Variants in PRRC2B observed in about 807,000 individuals in gnomAD.
PRRC2B encodes protein PRRC2B.
In PRRC2B, 68 loss-of-function variants were observed where a neutral mutation model predicts 242.3. The observed-to-expected ratio is 0.28, with a 90% CI of 0.23 to 0.34. The LOEUF (loss-of-function observed/expected upper bound fraction) is 0.34, where lower values mean the gene tolerates loss of function less well. Among genes scored for constraint, PRRC2B ranks in the 10% least tolerant of loss-of-function variants. PRRC2B has a pLI of 1.00. For missense variants in PRRC2B, 2,835 were observed against 2,954.8 expected, an observed-to-expected ratio of 0.96 and a Z score of 0.94; for synonymous variants, 1,228 against 1,173.6, an observed-to-expected ratio of 1.05 and a Z score of -0.95.
chr9:131,387,079 G>A (rs896776113), intron 1 of PRRC2B, among the ~76,000 whole-genome samples: 13 of 149,672 alleles, frequency 8.7e-5, no homozygotes, highest in Middle Eastern at 3.5e-3. Flanking sequence ...TCGGCTCACC[G>A]CCACCTCAGC....
chr9:131,493,350 CTG>C (rs780980907), intron 30 of PRRC2B, among the ~76,000 whole-genome samples: 3 of 152,224 alleles, frequency 2.0e-5, no homozygotes, highest in Non-Finnish European at 4.4e-5. Flanking sequence ...AACATCAGGA[CTG>C]TGTGAAAAAG....
At chr9:131,457,426 C>G (rs1338356211) in intron 10 of PRRC2B, among the ~76,000 whole-genome samples, 1 of 152,170 alleles carries the variant, frequency 6.6e-6, no homozygotes, top group Non-Finnish European at 1.5e-5. Flanking sequence ...CAGTTTTGCC[C>G]CTGACTTTGA....
rs1943750667 is a variant in PRRC2B at position 131,477,921 on chromosome 9, C to T, written c.4584C>T (p.Ala1528=). 6.2e-7 allele frequency: 1 copy of T among 1,614,024 alleles called. No homozygotes were observed. The highest frequency in any genetic ancestry group is 8.5e-7 in the Non-Finnish European group (1 of 1,179,878). ...CGAGGGCAGGTGAACAGGGAGAGGC[C>T]ATGAAACAGTTTGACCTGAACTATG... ...AAPRAGEQGE[A]MKQFDLNYGS... Residue 1528 remains alanine, a synonymous_variant, in exon 17 of 32, where the codon GCC becomes GCT. Coordinates refer to ENST00000683519, the MANE Select transcript of PRRC2B (RefSeq NM_013318.4).
rs115500661 is a variant in PRRC2B, at chr9:131,437,414, C to G, written c.396+692C>G. Among the ~76,000 whole-genome samples, 897 of 152,328 alleles carry G rather than the reference C, an allele frequency of 5.9e-3. 9 individuals are homozygous for G. Among genetic ancestry groups the G allele is most frequent in the African/African-American group, 0.021 (864 of 41,578 alleles). ...ACCAAGCAAGAGCTCATAACACACT[C>G]AGTCCATCAGAGCCTGGCTACAGGT... On this transcript the variant is annotated intron_variant, in intron 4 of 31. Coordinates refer to ENST00000683519, the MANE Select transcript of PRRC2B (RefSeq NM_013318.4).
chr9:131,487,370 C>A lies in PRRC2B; in HGVS notation c.5984+76C>A. 3 of 1,314,206 alleles carry A rather than the reference C, an allele frequency of 2.3e-6. No homozygotes were observed. The highest frequency in any genetic ancestry group is 3.1e-6 in the Non-Finnish European group (3 of 980,866). 81.4% of individuals were successfully genotyped at this position (1,314,206 alleles called of 1,614,324 possible). ...GGCCCTGTGTGCAGCCTTCGTCCTGCAGCTGTTTGGTGCTTGTCTGCTTTG... is the reference window on the plus strand; with the variant it reads ...GGCCCTGTGTGCAGCCTTCGTCCTGAAGCTGTTTGGTGCTTGTCTGCTTTG... On this transcript the variant is annotated intron_variant, in intron 27 of 31. Coordinates refer to ENST00000683519, the MANE Select transcript of PRRC2B (RefSeq NM_013318.4). The surrounding 1 kb of genome is among the most constrained non-coding windows in gnomAD (Gnocchi z 5.3).
At chr9:131,444,495 A>G (rs1838722305) in intron 6 of PRRC2B, among the ~76,000 whole-genome samples, 167 bp downstream of exon 6, 1 of 152,158 alleles carries the variant, frequency 6.6e-6, no homozygotes, top group African/African-American at 2.4e-5. Flanking sequence ...CTTGCTGCCT[A>G]GGCCATTGGA....
Position 131,473,625 on chromosome 9 carries a change from C to T in PRRC2B, c.2225C>T (p.Pro742Leu). 2 of 1,613,810 alleles carry T rather than the reference C, an allele frequency of 1.2e-6. No homozygotes were observed. The highest frequency in any genetic ancestry group is 1.1e-5 in the South Asian group (1 of 91,054). Residue 742 changes from proline to leucine, a missense_variant, in exon 15 of 32, where the codon CCT becomes CTT. This residue lies in a region of PRRC2B where 1,536 missense variants were observed against 1,483.1 expected (regional missense o/e 1.04). Coordinates refer to ENST00000683519, the MANE Select transcript of PRRC2B (RefSeq NM_013318.4). ...AAAGTGACCCCCATCGACTCACCCC[C>T]TGTGTGGAGCCCAGAGGGCTACATG... ...ERKVTPIDSP[P>L]VWSPEGYMAL...
At chr9:131,415,611 A>G in intron 1 of PRRC2B, among the ~76,000 whole-genome samples, 1 of 152,322 alleles carries the variant, frequency 6.6e-6, no homozygotes, top group East Asian at 1.9e-4. Flanking sequence ...CTGTCCCTAC[A>G]CTTGACTTGG....
At chr9:131,430,519 ATAGATAGATATC>A (rs1205526943) in intron 2 of PRRC2B, among the ~76,000 whole-genome samples, 95 of 18,470 alleles carry the variant, frequency 5.1e-3, no homozygotes, top group African/African-American at 0.012. Flanking sequence ...CTATAGATAG[ATAGATAGATATC>A]TATCTATAGA....
At chr9:131,393,590 G>C (rs1404891895), upstream of PRRC2B, among the ~76,000 whole-genome samples, 1 of 152,184 alleles carries the variant, frequency 6.6e-6, no homozygotes, top group Non-Finnish European at 1.5e-5. Flanking sequence ...TTCATATACC[G>C]TATACATATT....
At chr9:131,430,597 A>G (rs2994049) in intron 2 of PRRC2B, among the ~76,000 whole-genome samples, 92,782 of 120,420 alleles carry the variant, frequency 0.77, 34,635 homozygotes, top group East Asian at 0.92. Flanking sequence ...GTGTGTGTGT[A>G]TATATATGTT....
chr9:131,485,249 A>T (rs1943986280), intron 25 of PRRC2B, 109 bp downstream of exon 25: 3 of 927,114 alleles, frequency 3.2e-6, no homozygotes, highest in Non-Finnish European at 4.7e-6. Context: ...AGTAGCATGT[A>T]GAAGTAGCAA....
Position 131,479,443 on chromosome 9 carries a change from A to G in PRRC2B, c.4900+50A>G, listed in dbSNP as rs776855220. 5.7e-6 allele frequency: 9 copies of G among 1,579,870 alleles called. No homozygotes were observed. In the East Asian group the frequency reaches 1.8e-4, roughly 32 times the overall value. On this transcript the variant is annotated intron_variant, in intron 19 of 31. Transcript: ENST00000683519. ...GCTGTGGCACCCAAGGTCACATCAC[A>G]CACTGGGTTTGCTTCTGGGGAGGAT...
intron 1 of PRRC2B, among the ~76,000 whole-genome samples, chr9:131,412,797 CTT>C (rs35175798): frequency 3.6e-5 from 5 of 138,018 alleles, no homozygotes; most frequent in East Asian, 4.1e-4. Flanking sequence ...CTCTCTCTCT[CTT>C]TTTTTTTTTT....
intron 1 of PRRC2B, among the ~76,000 whole-genome samples, chr9:131,399,331 G>A (rs1171098300): frequency 8.2e-5 from 12 of 145,930 alleles, no homozygotes; most frequent in African/African-American, 2.8e-4. Context: ...TATAATCCCA[G>A]CATTTTGGGA....
chr9:131,492,098 G>A, intron 29 of PRRC2B, 71 bp from the exon 30 acceptor site: 2 of 1,218,418 alleles, frequency 1.6e-6, no homozygotes, highest in Admixed American at 3.4e-5. Context: ...GCCCTGGGTT[G>A]TTCAGTAAGT....
rs151074737 is a variant in PRRC2B, at chr9:131,403,744, C to T, written c.-52+9481C>T. Among the ~76,000 whole-genome samples, 579 of 151,598 alleles carry T rather than the reference C, an allele frequency of 3.8e-3. 5 individuals are homozygous for T. The highest frequency in any genetic ancestry group is 0.013 in the African/African-American group (556 of 41,328). On this transcript the variant is annotated intron_variant, in intron 1 of 31. Coordinates refer to ENST00000683519, the MANE Select transcript of PRRC2B (RefSeq NM_013318.4). ...TTTCCCCAATGTCCCAGGCAGTAAC[C>T]ATTATTGATAAATTTGCTTTGTTTA...
In PRRC2B at chr9:131,417,606, T is replaced by G. The variant is rs1463822802; in HGVS notation, c.-51-12488T>G. 3.9e-5 allele frequency among the ~76,000 whole-genome samples: 6 copies of G among 152,152 alleles called. No individual in the cohort carries two copies. In the East Asian group the frequency reaches 5.8e-4, roughly 15 times the overall value. On this transcript the variant is annotated intron_variant, in intron 1 of 31. Transcript: ENST00000683519. ...TTCAGTCTGTGAAATCTGTTCATAC[T>G]TTTGCCCCCTCCTTGCCAAAACTGT...
At position 131,470,866 on chromosome 9, in the gene PRRC2B, C is replaced by G; in HGVS notation, c.1990C>G (p.His664Asp). ...SHPQRTFYPH[H>D]PQMLGFDPRW... ...CCCCCAGCGCACCTTTTACCCACAC[C>G]ACCCCCAGATGTTGGGCTTCGATCC... is the stretch of plus-strand genomic sequence containing the variant. Residue 664 changes from histidine (H) to aspartate (D), a missense_variant, in exon 14 of 32, where the codon CAC becomes GAC. By Grantham distance (81) the His-to-Asp change is moderately conservative. This residue lies in a region of PRRC2B where 1,536 missense variants were observed against 1,483.1 expected (regional missense o/e 1.04). Coordinates refer to ENST00000683519, the MANE Select transcript of PRRC2B (RefSeq NM_013318.4). 6.2e-7 allele frequency: 1 copy of G among 1,609,280 alleles called. No homozygotes were observed. The highest frequency in any genetic ancestry group is 1.3e-5 in the African/African-American group (1 of 74,822).
Sources: allele counts gnomAD v4.1 joint callset (sites outside exome capture counted in the v4.1 genomes callset), GRCh38; gene constraint gnomAD v4.1.1; regional missense constraint gnomAD v4.1.1; non-coding constraint Gnocchi (gnomAD v3.1); transcripts MANE v1.5; gene names NCBI Gene and HGNC (gene_info 2026-07-23, HGNC 2026-07-21).